The following UNC119B variants were observed in gnomAD, a reference collection of about 807,000 sequenced individuals.
UNC119B encodes protein unc-119 homolog B.
In UNC119B, 16 loss-of-function variants were observed where a neutral mutation model predicts 23.4. The observed-to-expected ratio is 0.68, with a 90% CI of 0.46 to 1.04. The LOEUF (loss-of-function observed/expected upper bound fraction) is 1.04, where lower values mean the gene tolerates loss of function less well. Ranked by LOEUF, UNC119B falls within the 50% of genes least tolerant of loss-of-function variation. The pLI is 0.00. For synonymous variants in UNC119B, 144 were observed against 145.4 expected (o/e 0.99, Z 0.07); for missense variants, 350 against 361.3 (o/e 0.97, Z 0.25).
intron 1 of UNC119B, among the ~76,000 whole-genome samples, chr12:120,712,241 T>C (rs544946230): frequency 6.6e-6 from 1 of 152,356 alleles, no homozygotes; most frequent in East Asian, 1.9e-4. Flanking sequence ...GTTCATTCTA[T>C]CCAGCAGATT....
chr12:120,719,868 A>C (rs1361849106), intron 4 of UNC119B, 52 bp from the exon 5 acceptor site: 2 of 1,337,420 alleles, frequency 1.5e-6, no homozygotes, highest in Non-Finnish European at 2.1e-6. Flanking sequence ...CCTGTGGGGC[A>C]GACTCAAACA....
Position 120,722,231 on chromosome 12 carries a change from T to G in UNC119B, c.*2199T>G, listed in dbSNP as rs1401519243. The G allele has an allele frequency of 1.3e-5, 2 of 152,300 alleles. No individual in the cohort carries two copies. Among genetic ancestry groups the G allele is most frequent in the African/African-American group, 4.8e-5 (2 of 41,462 alleles). 9.4% of individuals were successfully genotyped at this position (152,300 alleles called of 1,614,324 possible). ...GAGTTGTGCTGTATCCTCTTCCTTG[T>G]TAGCTTGCCTTAGTCTCACTGGAGA... On this transcript the variant is annotated 3_prime_UTR_variant, in exon 5 of 5. Transcript: ENST00000344651.
intron 4 of UNC119B, 46 bp downstream of exon 4, chr12:120,717,088 C>G: frequency 6.6e-7 from 1 of 1,517,332 alleles, no homozygotes; most frequent in Non-Finnish European, 8.8e-7. Flanking sequence ...CTGAGGGCTA[C>G]AAGGAACAAA....
chr12:120,710,872 C>A, intron 1 of UNC119B, 154 bp downstream of exon 1: 1 of 665,018 alleles, frequency 1.5e-6, no homozygotes, highest in Non-Finnish European at 2.1e-6. Context: ...CCGGGCTTTG[C>A]TCCCGCCACG....
rs376970654 is a variant in UNC119B, at chr12:120,713,245, C to T, written c.245-29C>T. ...ATGGTAGTTTTGGAGGATTATTTAA[C>T]AGTGTTGGTTTCTCTCTCTTGTTTT... On this transcript the variant is annotated intron_variant, in intron 1 of 4. Coordinates refer to ENST00000344651, the MANE Select transcript of UNC119B (RefSeq NM_001080533.3). 15 of 1,485,144 alleles carry T rather than the reference C, an allele frequency of 1.0e-5. No individual in the cohort carries two copies. In the African/African-American group the frequency reaches 1.8e-4, roughly 18 times the overall value. 92.0% of individuals were successfully genotyped at this position (1,485,144 alleles called of 1,614,324 possible).
Position 120,710,539 on chromosome 12 carries a change from C to T in UNC119B, c.65C>T (p.Ala22Val). ...GCGGCTGGGCCCGGGGGGCTGGTGG[C>T]TGGCAAGGAGGAGAAGAAGAAGGCG... Reference protein sequence around the residue: ...ASAAGPGGLVAGKEEKKKAGG... With the variant: ...ASAAGPGGLVVGKEEKKKAGG... The change falls in exon 1 of 5, where the codon GCT becomes GTT. Residue 22 changes from alanine (A) to valine (V), a missense_variant. By Grantham distance (64) the Ala-to-Val change is moderately conservative. Coordinates refer to ENST00000344651, the MANE Select transcript of UNC119B (RefSeq NM_001080533.3). 1 of 1,381,222 alleles carries T rather than the reference C, an allele frequency of 7.2e-7. No individual in the cohort carries two copies. Among genetic ancestry groups the T allele is most frequent in the Non-Finnish European group, 9.3e-7 (1 of 1,073,812 alleles). The allele number at this position is 1,381,222 out of a possible 1,614,324, so 85.6% of individuals were successfully genotyped here. A position where few individuals can be genotyped will look rare whatever the true frequency, so the allele number is the denominator to read the frequency against.
intron 4 of UNC119B, among the ~76,000 whole-genome samples, chr12:120,718,233 G>A (rs753643235): frequency 9.2e-5 from 14 of 152,294 alleles, no homozygotes; most frequent in African/African-American, 3.4e-4. Context: ...CAGTGCCTAA[G>A]GGAGATAAAA....
In UNC119B at chr12:120,713,377, T is replaced by G; in HGVS notation, c.348T>G (p.Pro116=). The part of the protein sequence containing the change: ...TGTVLFEIAK[P]CVSDQEEDEE... ...CAGTACTTTTTGAGATTGCCAAACC[T>G]TGCGTTTCAGGTAGGCCTCTACGTT... Residue 116 remains proline, a synonymous_variant, in exon 2 of 5, where the codon CCT becomes CCG. Transcript: ENST00000344651. 1 of 1,613,770 alleles carries G rather than the reference T, an allele frequency of 6.2e-7. No homozygotes were observed.
Position 120,721,532 on chromosome 12 carries a change from G to C in UNC119B, c.*1500G>C, listed in dbSNP as rs953115960. On this transcript the variant is annotated 3_prime_UTR_variant, in exon 5 of 5. Coordinates refer to ENST00000344651, the MANE Select transcript of UNC119B (RefSeq NM_001080533.3). The stretch of plus-strand genomic sequence containing the variant: ...ATGGAAGAGACAGTGTGTGGCCACA[G>C]AAATTCCTGTCCATCCACCACCAGT... The C allele has an allele frequency of 6.6e-6, 1 of 152,474 alleles. No individual in the cohort carries two copies. The highest frequency in any genetic ancestry group is 1.5e-5 in the Non-Finnish European group (1 of 68,166). The allele number at this position is 152,474 out of a possible 1,614,324, so 9.4% of individuals were successfully genotyped here. A position where few individuals can be genotyped will look rare whatever the true frequency, so the allele number is the denominator to read the frequency against.
chr12:120,718,889 G>GC (rs1166996899), intron 4 of UNC119B, among the ~76,000 whole-genome samples: 1 of 152,200 alleles, frequency 6.6e-6, no homozygotes, highest in Admixed American at 6.5e-5. Context: ...GAGATGTGGG[G>GC]CAGGGTGTTG....
intron 1 of UNC119B, among the ~76,000 whole-genome samples, chr12:120,712,560 T>C (rs1416265109): frequency 6.6e-6 from 1 of 152,234 alleles, no homozygotes; most frequent in Non-Finnish European, 1.5e-5. Context: ...ATGTATGATA[T>C]GTATTGTCTA....
In UNC119B at chr12:120,721,725, C is replaced by A. The variant is rs911574399; in HGVS notation, c.*1693C>A. The stretch of plus-strand genomic sequence containing the variant: ...ATTCAGCCCCGAGAGAGGGGAGAGA[C>A]CATTCCTCCTGTGGAGTGGGTTCCT... On this transcript the variant is annotated 3_prime_UTR_variant, in exon 5 of 5. Transcript: ENST00000344651. The A allele has an allele frequency of 1.4e-4, 21 of 152,722 alleles. 1 individual carries two copies. The highest frequency in any genetic ancestry group is 4.6e-4 in the African/African-American group (19 of 41,456). The allele number at this position is 152,722 out of a possible 1,614,324, so 9.5% of individuals were successfully genotyped here.
intron 2 of UNC119B, among the ~76,000 whole-genome samples, chr12:120,716,001 A>G (rs925434931): frequency 6.6e-6 from 1 of 152,246 alleles, no homozygotes; most frequent in Admixed American, 6.5e-5. Flanking sequence ...GAACTATAGT[A>G]TCCCAAGGCT....
chr12:120,713,581 A>G (rs138944113), intron 2 of UNC119B, among the ~76,000 whole-genome samples, 194 bp downstream of exon 2: 10 of 152,310 alleles, frequency 6.6e-5, no homozygotes, highest in Admixed American at 1.3e-4. Flanking sequence ...TTGGATGTCT[A>G]TTCTGTGCTG....
At chr12:120,714,581 G>C (rs537317994) in intron 2 of UNC119B, among the ~76,000 whole-genome samples, 16 of 152,272 alleles carry the variant, frequency 1.1e-4, no homozygotes, top group Non-Finnish European at 2.2e-4. Flanking sequence ...GTCTCCCAAA[G>C]TGCTGGGATT....
chr12:120,712,659 G>T (rs1160898892), intron 1 of UNC119B, among the ~76,000 whole-genome samples: 6 of 152,168 alleles, frequency 3.9e-5, no homozygotes, highest in Admixed American at 2.6e-4. Context: ...GAGACACGTG[G>T]TTATGTAAAA....
chr12:120,713,425 G>T (rs1882710357), intron 2 of UNC119B, 38 bp downstream of exon 2: 1 of 1,486,004 alleles, frequency 6.7e-7, no homozygotes, highest in Non-Finnish European at 9.3e-7. Flanking sequence ...AGACAGTTTT[G>T]AGCCAAAGGT....
intron 2 of UNC119B, 36 bp from the exon 3 acceptor site, chr12:120,716,592 G>C (rs754615617): frequency 1.2e-6 from 2 of 1,608,056 alleles, no homozygotes. Flanking sequence ...TGAGAATGTC[G>C]AGATGGTGCA....
At chr12:120,714,534 T>A (rs914566591) in intron 2 of UNC119B, among the ~76,000 whole-genome samples, 1 of 151,428 alleles carries the variant, frequency 6.6e-6, no homozygotes, top group African/African-American at 2.4e-5. Flanking sequence ...TTGGTCAGGC[T>A]GGTGTCAGAC....
Sources: gnomAD v4.1 joint callset for allele counts (sites outside exome capture counted in the v4.1 genomes callset) on GRCh38, gnomAD v4.1.1 for gene constraint, MANE v1.5 for transcripts, NCBI Gene and HGNC (gene_info 2026-07-23, HGNC 2026-07-21) for gene names.